Variants in EFHC2 observed in about 807,000 individuals in gnomAD.
The protein encoded by EFHC2 is EF-hand domain containing 2.
A neutral mutation model predicts 52.7 loss-of-function variants in EFHC2; 18 were observed. That is an observed-to-expected ratio of 0.34 (90% CI 0.24 to 0.51). The LOEUF (loss-of-function observed/expected upper bound fraction) is 0.51. Ranked by LOEUF, EFHC2 falls within the 20% of genes least tolerant of loss-of-function variation. EFHC2 has a pLI of 0.97. For missense variants in EFHC2, 513 were observed against 562.5 expected, an observed-to-expected ratio of 0.91 and a Z score of 0.89; for synonymous variants, 203 against 204.1, an observed-to-expected ratio of 0.99 and a Z score of 0.04.
At chrX:44,252,225 C>T (rs1019337265) in intron 4 of EFHC2, among the ~76,000 whole-genome samples, 1 of 111,782 alleles carries the variant, frequency 8.9e-6, no homozygotes, top group African/African-American at 3.3e-5. Context: ...CCTCTATTTG[C>T]ACTTTCGCAG....
At position 44,178,558 on chromosome X, in the gene EFHC2, T is replaced by G; in HGVS notation, c.1758A>C (p.Ile586=). The G allele has an allele frequency of 8.5e-7, 1 of 1,170,991 alleles. No individual in the cohort carries two copies. Among genetic ancestry groups the G allele is most frequent in the Non-Finnish European group, 1.1e-6 (1 of 876,380 alleles). The change falls in exon 12 of 15, where the codon ATA becomes ATC. Residue 586 remains isoleucine (I), a synonymous_variant. Coordinates refer to ENST00000420999, the MANE Select transcript of EFHC2 (RefSeq NM_025184.4). The stretch of plus-strand genomic sequence containing the variant: ...GGTTTCCAACAGTCAAAGACATCAA[T>G]ATGTCTCTGTAATAAAAATGGAAAA... The part of the protein sequence containing the change: ...NMVDYNTFRD[I]LMSLTVGNLA...
intron 8 of EFHC2, among the ~76,000 whole-genome samples, chrX:44,239,496 T>A (rs888661524): frequency 7.1e-5 from 8 of 112,067 alleles, no homozygotes; most frequent in Non-Finnish European, 1.3e-4. Context: ...GTCATTAAGA[T>A]GCACTGTTAT....
chrX:44,249,864 C>A (rs753215959), intron 5 of EFHC2, among the ~76,000 whole-genome samples: 1 of 112,375 alleles, frequency 8.9e-6, no homozygotes, highest in African/African-American at 3.2e-5. Flanking sequence ...GTCTGCAGTG[C>A]CCTGTCCAAA....
chrX:44,162,524 G>A (rs2036664530), intron 14 of EFHC2, among the ~76,000 whole-genome samples: 1 of 110,987 alleles, frequency 9.0e-6, no homozygotes, highest in Admixed American at 9.6e-5. Flanking sequence ...AGACCTCGCA[G>A]GACAATATTC....
At chrX:44,205,838 A>G (rs1451624539) in intron 11 of EFHC2, among the ~76,000 whole-genome samples, 2 of 111,503 alleles carry the variant, frequency 1.8e-5, no homozygotes, top group Non-Finnish European at 3.8e-5. Flanking sequence ...GAAAACTAAC[A>G]AGGAAACTCT....
intron 1 of EFHC2, among the ~76,000 whole-genome samples, chrX:44,329,649 A>G (rs942747104): frequency 1.8e-5 from 2 of 109,270 alleles, no homozygotes; most frequent in African/African-American, 6.7e-5. Context: ...GTCCCCCAGG[A>G]TACAGTACAG....
In EFHC2 at chrX:44,232,536, C is replaced by T. The variant is rs772087258; in HGVS notation, c.1565G>A (p.Arg522His). 94 of 1,181,308 alleles carry T rather than the reference C, an allele frequency of 8.0e-5. No individual in the cohort carries two copies. Among genetic ancestry groups the T allele is most frequent in the Non-Finnish European group, 1.0e-4 (91 of 880,127 alleles). ...VTVNVNGYLF[R>H]LLNADEYTLN... ...GGTATACTCATCAGCATTGAGCAAACGAAATAGGTAACCATTCACATTCAC... is the reference window on the plus strand; with the variant it reads ...GGTATACTCATCAGCATTGAGCAAATGAAATAGGTAACCATTCACATTCAC... The change falls in exon 10 of 15, where the codon CGT becomes CAT. Residue 522 changes from arginine (R) to histidine (H), a missense_variant. Transcript: ENST00000420999.
At position 44,330,511 on chromosome X, in the gene EFHC2, TA is replaced by T. The variant is rs201424589; in HGVS notation, c.42+13035del. Among the ~76,000 whole-genome samples the T allele has an allele frequency of 3.1e-3, 334 of 109,045 alleles. 3 individuals are homozygous for T. The highest frequency in any genetic ancestry group is 0.027 in the East Asian group (91 of 3,401). 94.7% of individuals were successfully genotyped at this position (109,045 alleles called of 115,157 possible). ...ATAAAGAATTCTCAAAAGTTAACAG[TA>T]AAAAAAACAAGGCTGGGCACGGTGG... On this transcript the variant is annotated intron_variant, in intron 1 of 14. Coordinates refer to ENST00000420999, the MANE Select transcript of EFHC2 (RefSeq NM_025184.4).
intron 11 of EFHC2, among the ~76,000 whole-genome samples, chrX:44,203,443 C>T (rs1263949319): frequency 9.0e-6 from 1 of 111,372 alleles, no homozygotes; most frequent in Non-Finnish European, 1.9e-5. Flanking sequence ...GATTCACGGC[C>T]CACAGCCACA....
chrX:44,186,114 G>A (rs1042120280), intron 11 of EFHC2, among the ~76,000 whole-genome samples: 1 of 111,331 alleles, frequency 9.0e-6, no homozygotes, highest in South Asian at 3.8e-4. Context: ...AATTTATTTA[G>A]TTTGAAATTC....
intron 3 of EFHC2, 31 bp from the exon 4 acceptor site, chrX:44,261,329 A>C (rs371921979): frequency 8.1e-6 from 9 of 1,105,175 alleles, no homozygotes; most frequent in Middle Eastern, 2.7e-4. Flanking sequence ...CAACTGTTTT[A>C]TCATGTGGCT....
intron 2 of EFHC2, among the ~76,000 whole-genome samples, chrX:44,288,431 C>T (rs1250242459): frequency 3.7e-5 from 4 of 108,800 alleles, no homozygotes; most frequent in Admixed American, 2.0e-4. Flanking sequence ...AAAAAAAACA[C>T]ACAAAGAGGG....
At chrX:44,229,848 G>A (rs749623340) in intron 10 of EFHC2, 69 bp from the exon 11 acceptor site, 447 of 1,055,263 alleles carry the variant, frequency 4.2e-4, no homozygotes, top group Non-Finnish European at 5.6e-4. Context: ...CAATCTTGCT[G>A]ATGGCCAGCA....
rs1230727880 is a variant in EFHC2, at chrX:44,339,763, G to A, written c.42+3784C>T. 1.6e-4 allele frequency among the ~76,000 whole-genome samples: 18 copies of A among 110,588 alleles called. No homozygotes were observed. In the Admixed American group the frequency reaches 1.8e-3, roughly 11 times the overall value. ...AATTTAATTCAGCAAGCAGGGGAGG[G>A]GGGAAGGGCAAGACTAAAAGGCCAG... On this transcript the variant is annotated intron_variant, in intron 1 of 14. Transcript: ENST00000420999.
At chrX:44,191,321 C>T (rs1472126557) in intron 11 of EFHC2, among the ~76,000 whole-genome samples, 1 of 110,674 alleles carries the variant, frequency 9.0e-6, no homozygotes, top group African/African-American at 3.3e-5. Flanking sequence ...CTGTAACCTC[C>T]GCCTCCCGGG....
At chrX:44,244,901 G>A (rs1037369645) in intron 7 of EFHC2, among the ~76,000 whole-genome samples, 2 of 112,053 alleles carry the variant, frequency 1.8e-5, no homozygotes, top group Admixed American at 9.4e-5. Flanking sequence ...TAAAGATTAC[G>A]CTTCATTAGC....
At chrX:44,206,366 C>G (rs1363938959) in intron 11 of EFHC2, among the ~76,000 whole-genome samples, 1 of 111,352 alleles carries the variant, frequency 9.0e-6, no homozygotes, top group African/African-American at 3.3e-5. Context: ...CCAGGGCAAT[C>G]AAGCAAGAGA....
intron 11 of EFHC2, among the ~76,000 whole-genome samples, chrX:44,199,640 A>T (rs2036991992): frequency 8.9e-6 from 1 of 112,013 alleles, no homozygotes; most frequent in East Asian, 2.8e-4. Context: ...GTATTTATTA[A>T]ATGCAAAAGG....
Position 44,148,735 on chromosome X carries a change from A to G in EFHC2, c.*60T>C. ...TGTTTTTAATGAAATTATATCTACT[A>G]AAGTAAATGTGGCAAAATGAGAGAA... On this transcript the variant is annotated 3_prime_UTR_variant, in exon 15 of 15. Transcript: ENST00000420999. 1 of 957,286 alleles carries G rather than the reference A, an allele frequency of 1.0e-6. No homozygotes were observed. The highest frequency in any genetic ancestry group is 1.4e-6 in the Non-Finnish European group (1 of 698,923). The allele number at this position is 957,286 out of a possible 1,213,427, so 78.9% of individuals were successfully genotyped here.
Sources: allele counts gnomAD v4.1 joint callset (sites outside exome capture counted in the v4.1 genomes callset), GRCh38; gene constraint gnomAD v4.1.1; transcripts MANE v1.5; gene names NCBI Gene and HGNC (gene_info 2026-07-23, HGNC 2026-07-21).